The following GRIP1 variants were observed in gnomAD, a reference collection of about 807,000 sequenced individuals.
GRIP1 encodes the protein glutamate receptor-interacting protein 1.
A neutral mutation model predicts 129.9 loss-of-function variants in GRIP1; 45 were observed. The ratio of observed to expected loss-of-function variants is 0.35; its 90% CI spans 0.27 to 0.44. The LOEUF is 0.44. GRIP1 is among the 20% of genes least tolerant of loss of function. The pLI is 1.00. For synonymous variants in GRIP1, 530 were observed against 520.8 expected (o/e 1.02, Z -0.24); for missense variants, 1,196 against 1,396.8 (o/e 0.86, Z 2.29).
chr12:66,365,721 G>T (rs1369345323), intron 23 of GRIP1, among the ~76,000 whole-genome samples: 6 of 152,216 alleles, frequency 3.9e-5, no homozygotes, highest in African/African-American at 1.4e-4. Context: ...TTTGTGAATG[G>T]ATTCTCATTC....
intron 16 of GRIP1, among the ~76,000 whole-genome samples, chr12:66,394,969 G>A (rs2056734673): frequency 6.6e-6 from 1 of 152,166 alleles, no homozygotes. Context: ...AGTGAATTAC[G>A]GATATTAAAG....
chr12:66,972,825 A>C (rs919587086), intron 1 of GRIP1, among the ~76,000 whole-genome samples: 9 of 152,214 alleles, frequency 5.9e-5, no homozygotes, highest in African/African-American at 2.2e-4. Context: ...GAAACCATGA[A>C]ACCCCTAAAC....
intron 1 of GRIP1, among the ~76,000 whole-genome samples, chr12:66,996,797 C>T (rs764606959): frequency 2.0e-5 from 3 of 152,128 alleles, no homozygotes; most frequent in Non-Finnish European, 4.4e-5. Flanking sequence ...TTCACTTATT[C>T]ACATGAAAAT....
chr12:66,809,541 A>G (rs1230584974), intron 1 of GRIP1, among the ~76,000 whole-genome samples: 2 of 152,290 alleles, frequency 1.3e-5, no homozygotes, highest in Non-Finnish European at 2.9e-5. Flanking sequence ...TCTGGCACTA[A>G]TGGTATTCTC....
At chr12:66,414,649 G>A (rs1200624634) in intron 15 of GRIP1, among the ~76,000 whole-genome samples, 1 of 151,964 alleles carries the variant, frequency 6.6e-6, no homozygotes, top group Admixed American at 6.6e-5. Flanking sequence ...CCAATCCTAA[G>A]CTAAAAGAAC....
At chr12:66,978,336 T>G (rs1414156292) in intron 1 of GRIP1, among the ~76,000 whole-genome samples, 1 of 152,202 alleles carries the variant, frequency 6.6e-6, no homozygotes, top group Non-Finnish European at 1.5e-5. Flanking sequence ...TTTGAAACTT[T>G]GACTTAAAAG....
intron 9 of GRIP1, among the ~76,000 whole-genome samples, chr12:66,461,967 G>C (rs191864804): frequency 1.3e-5 from 2 of 152,152 alleles, no homozygotes; most frequent in Non-Finnish European, 1.5e-5. Context: ...AGAGGGAGTC[G>C]GAACAAATAT....
intron 5 of GRIP1, among the ~76,000 whole-genome samples, chr12:66,525,477 A>G (rs2061196201): frequency 6.6e-6 from 1 of 152,126 alleles, no homozygotes; most frequent in Admixed American, 6.5e-5. Flanking sequence ...ACAAAATTCA[A>G]CAACACTTCA....
At chr12:66,963,154 CA>C (rs1191622945) in intron 1 of GRIP1, among the ~76,000 whole-genome samples, 12 of 149,966 alleles carry the variant, frequency 8.0e-5, no homozygotes, top group South Asian at 6.3e-4. Context: ...CACAAACAAA[CA>C]AAAAAAAACA....
Position 66,371,837 on chromosome 12 carries a change from G to T in GRIP1, c.2869C>A (p.Arg957Ser). ...CTGTAGTGCGGCCGCGAGCTGCTGC[G>T]CTCCTGGAAGCTGGCCTGTCGCCCC... ...QLGRQASFQE[R>S]SSSRPHYSQT... Residue 957 changes from arginine (R) to serine (S), a missense_variant, in exon 23 of 25, where the codon CGC becomes AGC. Around this residue, in one of 5 missense-constraint regions of GRIP1, gnomAD observed 427 missense variants for 463.3 expected, o/e 0.92. Transcript: ENST00000359742. The T allele has an allele frequency of 6.2e-7, 1 of 1,613,742 alleles. No individual in the cohort carries two copies. Among genetic ancestry groups the T allele is most frequent in the South Asian group, 1.1e-5 (1 of 91,080 alleles).
chr12:66,587,649 T>G (rs946782742), intron 2 of GRIP1, among the ~76,000 whole-genome samples: 2 of 152,194 alleles, frequency 1.3e-5, no homozygotes, highest in African/African-American at 4.8e-5. Flanking sequence ...AGGGTCAGTT[T>G]AGAGGAACAC....
chr12:66,455,499 T>C lies in GRIP1; in HGVS notation c.1264A>G (p.Met422Val), dbSNP rs765840890. The part of the protein sequence containing the change: ...MSAYSLSSLN[M>V]GTLPRSLYST... ...TAGAGGCTTCGAGGTAGAGTCCCCA[T>C]GTTCAGGGAACTCAGGCTGTATGCA... The change falls in exon 11 of 25, where the codon ATG becomes GTG. Residue 422 changes from methionine to valine, a missense_variant. Transcript: ENST00000359742. 12 of 1,612,274 alleles carry C rather than the reference T, an allele frequency of 7.4e-6. No homozygotes were observed. The highest frequency in any genetic ancestry group is 1.7e-5 in the Admixed American group (1 of 59,992).
intron 1 of GRIP1, among the ~76,000 whole-genome samples, chr12:67,010,607 A>G (rs1414645264): frequency 6.6e-6 from 1 of 152,266 alleles, no homozygotes; most frequent in Non-Finnish European, 1.5e-5. Context: ...CAGATATGAG[A>G]AAGAATAGAA....
At chr12:66,538,823 G>A (rs542859995) in intron 4 of GRIP1, among the ~76,000 whole-genome samples, 3 of 151,076 alleles carry the variant, frequency 2.0e-5, no homozygotes, top group South Asian at 4.2e-4. Flanking sequence ...GGCTGGTCTC[G>A]AACCACTGGG....
intron 1 of GRIP1, among the ~76,000 whole-genome samples, chr12:67,033,956 A>C (rs1207865636): frequency 1.3e-5 from 2 of 152,206 alleles, no homozygotes; most frequent in African/African-American, 4.8e-5. Context: ...ATCTGTGCTT[A>C]CCCCTCAGGA....
At chr12:66,535,284 CT>C (rs1281023423) in intron 4 of GRIP1, among the ~76,000 whole-genome samples, 1 of 151,720 alleles carries the variant, frequency 6.6e-6, no homozygotes, top group African/African-American at 2.4e-5. Flanking sequence ...AGCATTAGCT[CT>C]AGATAACTGG....
At chr12:66,675,940 A>G (rs374356364) in intron 1 of GRIP1, among the ~76,000 whole-genome samples, 93 of 152,282 alleles carry the variant, frequency 6.1e-4, no homozygotes, top group African/African-American at 2.2e-3. Context: ...TTGAAACATT[A>G]ATAAGAAAAT....
At chr12:66,875,281 C>T (rs2137168804) in intron 1 of GRIP1, among the ~76,000 whole-genome samples, 1 of 152,174 alleles carries the variant, frequency 6.6e-6, no homozygotes, top group Non-Finnish European at 1.5e-5. Flanking sequence ...ACATCCTGCA[C>T]TGCCATCATC....
At chr12:66,565,487 C>G (rs542946073) in intron 2 of GRIP1, among the ~76,000 whole-genome samples, 23 of 152,216 alleles carry the variant, frequency 1.5e-4, no homozygotes, top group Non-Finnish European at 2.8e-4. Flanking sequence ...GTCTATATCT[C>G]TGTTTTGGTA....
Sources: allele counts gnomAD v4.1 joint callset (sites outside exome capture counted in the v4.1 genomes callset), GRCh38; gene constraint gnomAD v4.1.1; regional missense constraint gnomAD v4.1.1; transcripts MANE v1.5; gene names NCBI Gene and HGNC (gene_info 2026-07-23, HGNC 2026-07-21).